Variants in METTL2B observed in about 807,000 individuals in gnomAD.
The protein encoded by METTL2B is tRNA N(3)-cytidine methyltransferase METTL2B.
In METTL2B, 28 loss-of-function variants were observed where a neutral mutation model predicts 51.0. The observed-to-expected ratio is 0.55, with a 90% confidence interval of 0.41 to 0.75. METTL2B has a LOEUF of 0.75. Among genes scored for constraint, METTL2B ranks in the 30% least tolerant of loss-of-function variants. The pLI, the probability that METTL2B is intolerant of heterozygous loss-of-function variation, is 0.00. For missense variants in METTL2B, 313 were observed against 460.7 expected, an observed-to-expected ratio of 0.68 and a Z score of 2.93; for synonymous variants, 128 against 166.3, an observed-to-expected ratio of 0.77 and a Z score of 1.77.
chr7:128,477,820 T>A, intron 2 of METTL2B: 2 of 318,916 alleles, frequency 6.3e-6, no homozygotes, highest in Admixed American at 6.9e-5. Context: ...GCTGAAAGAG[T>A]TCTGTACAAC....
Position 128,498,066 on chromosome 7 carries a change from G to C in METTL2B, c.840G>C (p.Arg280Ser), listed in dbSNP as rs375738201. 2 of 1,613,816 alleles carry C rather than the reference G, an allele frequency of 1.2e-6. No homozygotes were observed. The highest frequency in any genetic ancestry group is 1.1e-5 in the South Asian group (1 of 91,092). The change falls in exon 7 of 9, where the codon AGG (arginine) becomes AGC (serine). Residue 280 changes from arginine to serine, a missense_variant. Physicochemically the swap from Arg to Ser is moderately radical, Grantham distance 110 (BLOSUM62 -1). Around this residue, in one of 4 missense-constraint regions of METTL2B, gnomAD observed 138 missense variants for 187.6 expected, o/e 0.74. Coordinates refer to ENST00000262432, the MANE Select transcript of METTL2B (RefSeq NM_018396.3). ...KMQKAINRLSRLLKPGGMVLL... is the reference protein window; with the variant it reads ...KMQKAINRLSSLLKPGGMVLL... ...AGAAGGCTATCAACAGGCTGAGCAGGCTTCTGAAACCTGGGGGGATGGTAC... is the reference window on the plus strand; with the variant it reads ...AGAAGGCTATCAACAGGCTGAGCAGCCTTCTGAAACCTGGGGGGATGGTAC...
At chr7:128,499,712 G>C (rs1181593904) in intron 7 of METTL2B, among the ~76,000 whole-genome samples, 2 of 148,212 alleles carry the variant, frequency 1.3e-5, no homozygotes, top group Non-Finnish European at 3.0e-5. Flanking sequence ...GTAGAGACAG[G>C]GTTTCACCAT....
At chr7:128,486,089 T>C (rs1382459667) in intron 4 of METTL2B, among the ~76,000 whole-genome samples, 1 of 151,746 alleles carries the variant, frequency 6.6e-6, no homozygotes, top group African/African-American at 2.4e-5. Flanking sequence ...AGGTCAGGAG[T>C]TCGAGCCCAG....
At chr7:128,498,656 G>C (rs974078983) in intron 7 of METTL2B, among the ~76,000 whole-genome samples, 3 of 151,994 alleles carry the variant, frequency 2.0e-5, no homozygotes, top group African/African-American at 7.2e-5. Context: ...AGATATTGAG[G>C]TCTTTTTAAG....
intron 6 of METTL2B, among the ~76,000 whole-genome samples, chr7:128,496,768 G>A (rs891856809): frequency 4.1e-5 from 6 of 146,742 alleles, no homozygotes; most frequent in African/African-American, 1.6e-4. Context: ...TTCTTTGTTT[G>A]TTTGTTTGTT....
intron 5 of METTL2B, among the ~76,000 whole-genome samples, chr7:128,489,891 G>C (rs574130105): frequency 6.6e-6 from 1 of 152,038 alleles, no homozygotes; most frequent in Non-Finnish European, 1.5e-5. Flanking sequence ...GCCTCCCAAA[G>C]TGCTGGGATT....
intron 8 of METTL2B, chr7:128,501,424 C>G (rs1793028409): frequency 1.0e-6 from 1 of 985,352 alleles, no homozygotes; most frequent in African/African-American, 1.7e-5. Context: ...GGGTCACCTT[C>G]TTTGAGCCTT....
chr7:128,496,111 C>G (rs1293424237), intron 6 of METTL2B, among the ~76,000 whole-genome samples: 2 of 152,252 alleles, frequency 1.3e-5, no homozygotes, highest in East Asian at 3.9e-4. Context: ...AGGATAGGAG[C>G]TTTGAGTGAT....
chr7:128,477,768 T>C (rs1799821381), intron 2 of METTL2B, among the ~76,000 whole-genome samples: 1 of 151,548 alleles, frequency 6.6e-6, no homozygotes, highest in Non-Finnish European at 1.5e-5. Context: ...CTAGGACTGA[T>C]TGTTCCAGAC....
At chr7:128,496,918 T>C (rs1792933155) in intron 6 of METTL2B, among the ~76,000 whole-genome samples, 1 of 152,088 alleles carries the variant, frequency 6.6e-6, no homozygotes, top group African/African-American at 2.4e-5. Context: ...GTAGCTGGGA[T>C]TACAGGTGCC....
At chr7:128,479,023 A>G in intron 2 of METTL2B, 135 bp from the exon 3 acceptor site, 1 of 944,838 alleles carries the variant, frequency 1.1e-6, no homozygotes, top group South Asian at 1.8e-5. Context: ...AAATGCCTTC[A>G]GTTCTGGGAC....
chr7:128,484,345 C>T (rs1792661632), intron 4 of METTL2B, among the ~76,000 whole-genome samples: 1 of 150,648 alleles, frequency 6.6e-6, no homozygotes. Flanking sequence ...CCACCTCAGC[C>T]TCCCAAGTAG....
intron 5 of METTL2B, among the ~76,000 whole-genome samples, chr7:128,493,125 C>G (rs1475038522): frequency 1.3e-5 from 2 of 152,122 alleles, no homozygotes; most frequent in Admixed American, 1.3e-4. Flanking sequence ...TTCAATTATT[C>G]CTGATCTTTA....
chr7:128,486,043 C>T (rs1792700400), intron 4 of METTL2B, among the ~76,000 whole-genome samples: 1 of 152,114 alleles, frequency 6.6e-6, no homozygotes, highest in African/African-American at 2.4e-5. Flanking sequence ...CTTGTAATCC[C>T]AGCAGTTTGA....
intron 7 of METTL2B, among the ~76,000 whole-genome samples, chr7:128,498,431 G>T (rs544166847): frequency 2.6e-5 from 4 of 151,434 alleles, no homozygotes; most frequent in African/African-American, 9.7e-5. Context: ...TCCATGGCAC[G>T]TGTATACATA....
chr7:128,494,818 G>A (rs891280646), intron 6 of METTL2B, among the ~76,000 whole-genome samples: 5 of 150,202 alleles, frequency 3.3e-5, no homozygotes, highest in African/African-American at 1.2e-4. Flanking sequence ...AGTAGATACG[G>A]GGTTTCACCA....
intron 4 of METTL2B, among the ~76,000 whole-genome samples, chr7:128,485,351 A>G (rs1275275173): frequency 6.6e-6 from 1 of 152,120 alleles, no homozygotes; most frequent in Non-Finnish European, 1.5e-5. Context: ...TGAACAACAT[A>G]GTGAGACCCC....
At chr7:128,488,479 A>G (rs1792760344) in intron 5 of METTL2B, 1 of 524,328 alleles carries the variant, frequency 1.9e-6, no homozygotes, top group African/African-American at 1.9e-5. Context: ...AATATTTCAG[A>G]CTTTTTTACT....
At chr7:128,496,521 C>T (rs1792925076) in intron 6 of METTL2B, among the ~76,000 whole-genome samples, 1 of 152,140 alleles carries the variant, frequency 6.6e-6, no homozygotes. Flanking sequence ...TGCACTGCAG[C>T]CTGGGTGACA....
Sources: gnomAD v4.1 joint callset for allele counts (sites outside exome capture counted in the v4.1 genomes callset) on GRCh38, gnomAD v4.1.1 for gene constraint, gnomAD v4.1.1 regional missense constraint, MANE v1.5 for transcripts, NCBI Gene and HGNC (gene_info 2026-07-23, HGNC 2026-07-21) for gene names.